The following OGN variants were observed in gnomAD, a reference collection of about 807,000 sequenced individuals.
The protein encoded by OGN is mimecan.
In OGN, 19 loss-of-function variants were observed where a neutral mutation model predicts 30.8. The observed-to-expected ratio is 0.62, with a 90% CI of 0.43 to 0.90. The LOEUF is 0.90. OGN is among the 40% of genes least tolerant of loss of function. The pLI, the probability that OGN is intolerant of heterozygous loss-of-function variation, is 0.00. For missense variants in OGN, 283 were observed against 349.7 expected (o/e 0.81, Z 1.52); for synonymous variants, 126 against 128.3 (o/e 0.98, Z 0.12).
At chr9:92,393,414 T>A (rs974909698) in intron 3 of OGN, among the ~76,000 whole-genome samples, 170 bp from the exon 4 acceptor site, 26 of 152,222 alleles carry the variant, frequency 1.7e-4, no homozygotes, top group Admixed American at 4.6e-4. Context: ...GCTTGATAAT[T>A]CACCAGAATA....
intron 4 of OGN, among the ~76,000 whole-genome samples, chr9:92,391,084 G>A (rs1033100971): frequency 1.6e-4 from 25 of 151,828 alleles, no homozygotes; most frequent in African/African-American, 6.1e-4. Context: ...GGCCAACACA[G>A]CGCAACCTCA....
At chr9:92,398,952 C>T (rs1220082242) in intron 3 of OGN, among the ~76,000 whole-genome samples, 1 of 151,886 alleles carries the variant, frequency 6.6e-6, no homozygotes, top group Admixed American at 6.6e-5. Flanking sequence ...ATCCCAGCTA[C>T]TCGGAGGCTG....
Position 92,403,391 on chromosome 9 carries a change from G to C in OGN, c.17C>G (p.Ser6Cys), listed in dbSNP as rs1427594284. 1 of 1,610,866 alleles carries C rather than the reference G, an allele frequency of 6.2e-7. No homozygotes were observed. The highest frequency in any genetic ancestry group is 1.3e-5 in the African/African-American group (1 of 74,902). The change falls in exon 2 of 7, where the codon TCT (serine) becomes TGT (cysteine). Residue 6 changes from serine to cysteine, a missense_variant. Physicochemically the swap from Ser to Cys is moderately radical, Grantham distance 112. Transcript: ENST00000375561. ...CACAAGCAGTAACAGGAGAAGTGTA[G>C]ACTGCAGAGTCTTCATTTTAGCAAA... MKTLQ[S>C]TLLLLLLVPL... is the part of the protein sequence containing the mutation.
chr9:92,397,369 C>T (rs1375821135), intron 3 of OGN, among the ~76,000 whole-genome samples: 1 of 152,102 alleles, frequency 6.6e-6, no homozygotes, highest in Admixed American at 6.6e-5. Context: ...GCCCTGTCAC[C>T]CAGGCTGGAG....
intron 3 of OGN, among the ~76,000 whole-genome samples, chr9:92,398,611 C>A (rs1285372355): frequency 1.3e-5 from 2 of 152,078 alleles, no homozygotes; most frequent in Non-Finnish European, 2.9e-5. Flanking sequence ...CTTCCTCATT[C>A]ATTTTTACAA....
At chr9:92,391,610 C>A (rs769169263) in intron 4 of OGN, among the ~76,000 whole-genome samples, 28 of 151,806 alleles carry the variant, frequency 1.8e-4, no homozygotes, top group Middle Eastern at 3.2e-3. Flanking sequence ...AACAAAAAAA[C>A]CCCCCAAAAA....
intron 3 of OGN, among the ~76,000 whole-genome samples, chr9:92,398,201 TA>T (rs1307980438): frequency 5.9e-5 from 9 of 152,230 alleles, no homozygotes; most frequent in African/African-American, 1.9e-4. Flanking sequence ...ATGCTGTGTT[TA>T]ACAGTTACTT....
In OGN at chr9:92,395,962, T is replaced by C. The variant is rs550439529; in HGVS notation, c.269-2718A>G. The stretch of plus-strand genomic sequence containing the variant: ...TGCCGACCACCAAGATTTGACACTT[T>C]GTTTTCTTCTAGAAGTTGTATAGTT... On this transcript the variant is annotated intron_variant, in intron 3 of 6. Coordinates refer to ENST00000375561, the MANE Select transcript of OGN (RefSeq NM_014057.5). 1.4e-4 allele frequency among the ~76,000 whole-genome samples: 21 copies of C among 152,308 alleles called. 1 individual carries two copies. In the South Asian group the frequency reaches 4.4e-3, roughly 32 times the overall value.
rs1842378431 is a variant in OGN, at chr9:92,385,401, G to T, written c.*219C>A. On this transcript the variant is annotated 3_prime_UTR_variant, in exon 7 of 7. Coordinates refer to ENST00000375561, the MANE Select transcript of OGN (RefSeq NM_014057.5). ...GTATAAACTAGGATTTTGTAATGCTGTTTAAATATTTTCATATTACTTTGT... is the reference window on the plus strand; with the variant it reads ...GTATAAACTAGGATTTTGTAATGCTTTTTAAATATTTTCATATTACTTTGT... 1 of 468,858 alleles carries T rather than the reference G, an allele frequency of 2.1e-6. No homozygotes were observed. Among genetic ancestry groups the T allele is most frequent in the African/African-American group, 2.0e-5 (1 of 50,270 alleles). 29.0% of individuals were successfully genotyped at this position (468,858 alleles called of 1,614,324 possible).
chr9:92,385,853 A>G, intron 6 of OGN, 63 bp from the exon 7 acceptor site: 2 of 1,543,904 alleles, frequency 1.3e-6, no homozygotes, highest in Non-Finnish European at 1.8e-6. Flanking sequence ...ATGCTATATA[A>G]TGGGTAAAGG....
At chr9:92,400,778 C>A (rs1487028757) in intron 3 of OGN, among the ~76,000 whole-genome samples, 1 of 152,178 alleles carries the variant, frequency 6.6e-6, no homozygotes, top group Non-Finnish European at 1.5e-5. Context: ...TATACTGAGG[C>A]TGCACATTGT....
At chr9:92,392,279 C>A (rs1160870356) in intron 4 of OGN, among the ~76,000 whole-genome samples, 1 of 152,016 alleles carries the variant, frequency 6.6e-6, no homozygotes, top group Non-Finnish European at 1.5e-5. Context: ...GGGCCCTACC[C>A]CAGATCTGAA....
At chr9:92,391,035 T>G (rs1295023130) in intron 4 of OGN, among the ~76,000 whole-genome samples, 1 of 151,106 alleles carries the variant, frequency 6.6e-6, no homozygotes, top group Admixed American at 6.6e-5. Context: ...GAGGCCAAGG[T>G]GGGCAGATCA....
intron 3 of OGN, among the ~76,000 whole-genome samples, chr9:92,398,740 A>G (rs1475172663): frequency 6.6e-6 from 1 of 152,180 alleles, no homozygotes; most frequent in Non-Finnish European, 1.5e-5. Context: ...GTGATTTTGC[A>G]TTTGTATTTT....
At chr9:92,385,967 A>G (rs562701054) in intron 6 of OGN, among the ~76,000 whole-genome samples, 177 bp from the exon 7 acceptor site, 3 of 152,366 alleles carry the variant, frequency 2.0e-5, no homozygotes, top group South Asian at 2.1e-4. Flanking sequence ...AATCAAGAGC[A>G]GACTTCACAC....
At chr9:92,391,485 G>T (rs1842685213) in intron 4 of OGN, among the ~76,000 whole-genome samples, 1 of 152,110 alleles carries the variant, frequency 6.6e-6, no homozygotes, top group Non-Finnish European at 1.5e-5. Context: ...TGTAGTCTCA[G>T]CTACTTGCGA....
chr9:92,390,065 A>G lies in OGN; in HGVS notation c.428-9T>C, dbSNP rs754766548. Reference sequence around the variant, plus strand: ...GAGTCTTCTTAAGTTAGCTAGAGGGAAAAAAATATAAAAAACAACTACGTA... The same window carrying G: ...GAGTCTTCTTAAGTTAGCTAGAGGGGAAAAAATATAAAAAACAACTACGTA... On this transcript the variant is annotated splice_polypyrimidine_tract_variant and intron_variant, in intron 4 of 6. Transcript: ENST00000375561. 10 of 1,443,846 alleles carry G rather than the reference A, an allele frequency of 6.9e-6. No homozygotes were observed. The highest frequency in any genetic ancestry group is 1.4e-5 in the African/African-American group (1 of 70,118). 89.4% of individuals were successfully genotyped at this position (1,443,846 alleles called of 1,614,324 possible).
intron 2 of OGN, among the ~76,000 whole-genome samples, chr9:92,401,621 G>A (rs555292114): frequency 1.3e-5 from 2 of 152,254 alleles, no homozygotes; most frequent in African/African-American, 2.4e-5. Context: ...CATGTCACAA[G>A]TATAAACTAC....
intron 3 of OGN, among the ~76,000 whole-genome samples, chr9:92,396,384 A>G (rs1842891380): frequency 6.6e-6 from 1 of 152,012 alleles, no homozygotes; most frequent in Middle Eastern, 3.2e-3. Flanking sequence ...TTAAACAAAA[A>G]AAAAACCTAT....
Sources: allele counts gnomAD v4.1 joint callset (sites outside exome capture counted in the v4.1 genomes callset), GRCh38; gene constraint gnomAD v4.1.1; transcripts MANE v1.5; gene names NCBI Gene and HGNC (gene_info 2026-07-23, HGNC 2026-07-21).